Variants in RBPJ observed in about 807,000 individuals in gnomAD.
RBPJ encodes the protein recombining binding protein suppressor of hairless.
A neutral mutation model predicts 67.8 loss-of-function variants in RBPJ; 9 were observed. That is an observed-to-expected ratio of 0.13 (90% CI 0.08 to 0.23). RBPJ has a LOEUF of 0.23. Among genes scored for constraint, RBPJ ranks in the 10% least tolerant of loss-of-function variants. The pLI is 1.00. For synonymous variants in RBPJ, 198 were observed against 203.3 expected (o/e 0.97, Z 0.22); for missense variants, 305 against 595.6 (o/e 0.51, Z 5.08).
intron 1 of RBPJ, among the ~76,000 whole-genome samples, chr4:26,174,408 T>C (rs1316766599): frequency 6.6e-6 from 1 of 152,238 alleles, no homozygotes; most frequent in Non-Finnish European, 1.5e-5. Context: ...GATAACTTTA[T>C]GCATTAGAGC....
At chr4:26,270,299 AAGGGGAGGGGAGG>A (rs1414358841) in intron 1 of RBPJ, among the ~76,000 whole-genome samples, 1 of 113,712 alleles carries the variant, frequency 8.8e-6, no homozygotes, top group African/African-American at 3.4e-5. Flanking sequence ...AAGGGAAGGG[AAGGGGAGGGGAGG>A]AGGGGAGGGG....
chr4:26,256,236 G>T (rs1189923385), intron 1 of RBPJ, among the ~76,000 whole-genome samples: 1 of 150,570 alleles, frequency 6.6e-6, no homozygotes, highest in East Asian at 1.9e-4. Flanking sequence ...CCAAGCCACA[G>T]CCCCACCCTG....
chr4:26,409,441 A>G (rs1733799101), intron 3 of RBPJ, among the ~76,000 whole-genome samples: 1 of 152,174 alleles, frequency 6.6e-6, no homozygotes. Context: ...AGAGAGCTGT[A>G]GTGGTTTGTC....
At chr4:26,352,185 A>G (rs1726878667) in intron 1 of RBPJ, among the ~76,000 whole-genome samples, 1 of 152,170 alleles carries the variant, frequency 6.6e-6, no homozygotes, top group African/African-American at 2.4e-5. Context: ...ACCGTAAACT[A>G]GGTAGCTTAT....
chr4:26,329,543 A>T (rs1724007096), intron 1 of RBPJ, among the ~76,000 whole-genome samples: 1 of 152,176 alleles, frequency 6.6e-6, no homozygotes, highest in Non-Finnish European at 1.5e-5. Context: ...TTGTCTAAAA[A>T]ATGGAAGAAA....
intron 1 of RBPJ, among the ~76,000 whole-genome samples, chr4:26,185,866 T>C (rs1322654929): frequency 6.6e-6 from 1 of 152,036 alleles, no homozygotes; most frequent in Non-Finnish European, 1.5e-5. Flanking sequence ...GCCAACATGG[T>C]GAAATCCTGT....
the RBPJ span, among the ~76,000 whole-genome samples, chr4:26,145,989 T>C: frequency 1.3e-5 from 2 of 152,180 alleles, no homozygotes; most frequent in Non-Finnish European, 2.9e-5. Context: ...CCAGGATGAG[T>C]GCAATCGTAT....
At chr4:26,113,134 T>G in the RBPJ span, 1 of 216,942 alleles carries the variant, frequency 4.6e-6, no homozygotes, top group East Asian at 1.1e-4. Flanking sequence ...TCAGGGAGCT[T>G]ACACAAGAAA....
At chr4:26,263,817 A>T (rs1577369647) in intron 1 of RBPJ, among the ~76,000 whole-genome samples, 1 of 150,848 alleles carries the variant, frequency 6.6e-6, no homozygotes, top group African/African-American at 2.4e-5. Context: ...TGATCTGCCC[A>T]CCTCAGTCTC....
At chr4:26,256,702 G>T (rs935316495) in intron 1 of RBPJ, among the ~76,000 whole-genome samples, 7 of 152,172 alleles carry the variant, frequency 4.6e-5, no homozygotes, top group African/African-American at 1.7e-4. Flanking sequence ...TTGTAAGGAC[G>T]TAAGGACAAA....
intron 1 of RBPJ, among the ~76,000 whole-genome samples, chr4:26,345,717 A>G (rs1726058501): frequency 6.6e-6 from 1 of 152,164 alleles, no homozygotes; most frequent in Non-Finnish European, 1.5e-5. Flanking sequence ...GGGATTCCCA[A>G]GCTGCTACTT....
upstream of RBPJ, among the ~76,000 whole-genome samples, chr4:26,161,535 C>T (rs138623360): frequency 7.2e-5 from 11 of 152,288 alleles, no homozygotes; most frequent in Admixed American, 6.5e-4. Context: ...CTGTGAACAC[C>T]AACACTGCAG....
At chr4:26,165,014 T>C (rs531864142) in intron 1 of RBPJ, among the ~76,000 whole-genome samples, 1 of 152,310 alleles carries the variant, frequency 6.6e-6, no homozygotes, top group East Asian at 1.9e-4. Context: ...AGTATTATAC[T>C]GTATTTAGCT....
At chr4:26,283,590 C>T (rs753255689) in intron 1 of RBPJ, among the ~76,000 whole-genome samples, 2 of 150,456 alleles carry the variant, frequency 1.3e-5, no homozygotes, top group Non-Finnish European at 3.0e-5. Flanking sequence ...TTTTCTAAAG[C>T]AAAAGGGGCC....
intron 1 of RBPJ, among the ~76,000 whole-genome samples, chr4:26,251,795 C>A (rs1299486423): frequency 1.4e-5 from 2 of 144,642 alleles, no homozygotes; most frequent in Non-Finnish European, 3.0e-5. Flanking sequence ...TTGCAGTGAG[C>A]CAAGATTGTG....
chr4:26,426,045 A>T lies in RBPJ; in HGVS notation c.747+1302A>T, dbSNP rs539381177. Among the ~76,000 whole-genome samples the T allele has an allele frequency of 3.9e-5, 6 of 152,310 alleles. No individual in the cohort carries two copies. The East Asian group carries it at 1.2e-3, about 29-fold the overall frequency. ...TAAGCTAGAAGACATGAAGTATAGTAATAGTAATCTGTAAAGCTTTGCAGC... is the reference window on the plus strand; with the variant it reads ...TAAGCTAGAAGACATGAAGTATAGTTATAGTAATCTGTAAAGCTTTGCAGC... On this transcript the variant is annotated intron_variant, in intron 7 of 10. Transcript: ENST00000355476.
chr4:26,121,465 CAAAG>C, the RBPJ span, among the ~76,000 whole-genome samples: 1 of 152,012 alleles, frequency 6.6e-6, no homozygotes, highest in Non-Finnish European at 1.5e-5. Flanking sequence ...AACCAAGTCT[CAAAG>C]AGACTAAATA....
intron 1 of RBPJ, among the ~76,000 whole-genome samples, chr4:26,261,908 C>G (rs1338535698): frequency 3.9e-5 from 6 of 152,182 alleles, no homozygotes; most frequent in African/African-American, 1.4e-4. Flanking sequence ...CTAGCAATGT[C>G]TTATGACTAT....
At chr4:26,238,468 G>C (rs1168692557) in intron 1 of RBPJ, among the ~76,000 whole-genome samples, 1 of 152,174 alleles carries the variant, frequency 6.6e-6, no homozygotes, top group South Asian at 2.1e-4. Flanking sequence ...AAAATAGAAG[G>C]AAGTATGGAA....
Sources: allele counts gnomAD v4.1 joint callset (sites outside exome capture counted in the v4.1 genomes callset), GRCh38; gene constraint gnomAD v4.1.1; transcripts MANE v1.5; gene names NCBI Gene and HGNC (gene_info 2026-07-23, HGNC 2026-07-21).